EFCAB11: variants seen among roughly 807,000 people sequenced by gnomAD.
EFCAB11 encodes the protein EF-hand calcium binding domain 11, also known as EF-hand calcium-binding domain-containing protein 11.
Under a neutral mutation model 23.0 loss-of-function variants are expected in EFCAB11, and 14 were observed. The observed-to-expected ratio is 0.61, with a 90% confidence interval of 0.40 to 0.95. The LOEUF (loss-of-function observed/expected upper bound fraction) is 0.95, where lower values mean the gene tolerates loss of function less well. Among genes scored for constraint, EFCAB11 ranks in the 40% least tolerant of loss-of-function variants. The pLI is 0.00. For synonymous variants in EFCAB11, 65 were observed against 66.6 expected (o/e 0.98, Z 0.11); for missense variants, 198 against 195.8 (o/e 1.01, Z -0.07).
chr14:89,900,565 G>A (rs1490756261), intron 5 of EFCAB11, among the ~76,000 whole-genome samples: 5 of 152,222 alleles, frequency 3.3e-5, no homozygotes. Flanking sequence ...TCACATTCAG[G>A]CTTTGTCAGC....
intron 5 of EFCAB11, among the ~76,000 whole-genome samples, chr14:89,819,455 TGTC>T (rs1184052497): frequency 1.6e-5 from 2 of 126,410 alleles, no homozygotes; most frequent in African/African-American, 8.1e-5. Flanking sequence ...GGTCTCACTT[TGTC>T]ACCTAGGCTG....
chr14:89,797,500 GA>G (rs1406570555), intron 5 of EFCAB11, among the ~76,000 whole-genome samples, 176 bp from the exon 6 acceptor site: 1 of 151,766 alleles, frequency 6.6e-6, no homozygotes, highest in Non-Finnish European at 1.5e-5. Context: ...TTGCAGGAAA[GA>G]AAGGGTATTT....
At chr14:89,899,123 TAG>T (rs1367854793) in intron 5 of EFCAB11, among the ~76,000 whole-genome samples, 5 of 152,320 alleles carry the variant, frequency 3.3e-5, no homozygotes, top group East Asian at 1.9e-4. Flanking sequence ...GTGTTACACG[TAG>T]AGAGTTGCCA....
chr14:89,947,917 TA>T (rs895223092), intron 3 of EFCAB11, among the ~76,000 whole-genome samples: 6 of 152,144 alleles, frequency 3.9e-5, no homozygotes, highest in African/African-American at 1.2e-4. Context: ...TTTGACATAG[TA>T]AACTAACACT....
In EFCAB11 at chr14:89,891,697, ACACACGCACGCG is replaced by A. The variant is rs1257997399; in HGVS notation, c.410+39832_410+39843del. On this transcript the variant is annotated intron_variant, in intron 5 of 5. Transcript: ENST00000316738. Reference sequence around the variant, plus strand: ...CCATTTTAGACACAAACACACACACACACACGCACGCGCACACGCACACACCACCCTAAGTAA... The same window carrying A: ...CCATTTTAGACACAAACACACACACACACACGCACACACCACCCTAAGTAA... Among the ~76,000 whole-genome samples the A allele has an allele frequency of 1.1e-4, 16 of 152,172 alleles. 1 individual carries two copies. The highest frequency in any genetic ancestry group is 7.9e-4 in the Admixed American group (12 of 15,278).
chr14:89,932,233 T>C (rs533266433), intron 4 of EFCAB11, among the ~76,000 whole-genome samples: 2 of 152,256 alleles, frequency 1.3e-5, no homozygotes, highest in African/African-American at 4.8e-5. Flanking sequence ...CACACCTCCA[T>C]AGGTGGCTCA....
intron 5 of EFCAB11, among the ~76,000 whole-genome samples, chr14:89,927,784 C>T (rs1013653651): frequency 3.3e-5 from 5 of 151,854 alleles, no homozygotes; most frequent in Non-Finnish European, 4.4e-5. Context: ...TGCAGTGGCA[C>T]GATCTCGGCT....
intron 5 of EFCAB11, among the ~76,000 whole-genome samples, chr14:89,877,101 G>A (rs1045463734): frequency 2.0e-5 from 3 of 151,780 alleles, no homozygotes; most frequent in Admixed American, 6.6e-5. Flanking sequence ...GTGCAGTGGT[G>A]TGATCTCAGC....
At chr14:89,877,046 T>A (rs72695708) in intron 5 of EFCAB11, among the ~76,000 whole-genome samples, 4 of 127,886 alleles carry the variant, frequency 3.1e-5, no homozygotes, top group South Asian at 6.6e-4. Flanking sequence ...GACCAAAAGT[T>A]TTTTTTTTTT....
intron 5 of EFCAB11, among the ~76,000 whole-genome samples, chr14:89,864,093 A>AT (rs1309627658): frequency 6.6e-6 from 1 of 152,222 alleles, no homozygotes; most frequent in East Asian, 1.9e-4. Flanking sequence ...ATAATGCATA[A>AT]TGGTCCTAAA....
chr14:89,826,952 G>C (rs939334074), intron 5 of EFCAB11, among the ~76,000 whole-genome samples: 2 of 152,106 alleles, frequency 1.3e-5, no homozygotes, highest in African/African-American at 4.8e-5. Flanking sequence ...TTGGGCCAAA[G>C]ACACAATCAA....
intron 5 of EFCAB11, among the ~76,000 whole-genome samples, chr14:89,875,297 T>C (rs1888400935): frequency 6.6e-6 from 1 of 152,198 alleles, no homozygotes; most frequent in African/African-American, 2.4e-5. Flanking sequence ...AGAACAGCAC[T>C]GGAAAAACCC....
At chr14:89,935,737 G>A (rs896972197) in intron 3 of EFCAB11, among the ~76,000 whole-genome samples, 6 of 152,140 alleles carry the variant, frequency 3.9e-5, no homozygotes, top group East Asian at 1.9e-4. Context: ...AGCCAGGTGC[G>A]GTAGCTCACG....
intron 5 of EFCAB11, among the ~76,000 whole-genome samples, chr14:89,895,239 A>C (rs1319902289): frequency 6.6e-6 from 1 of 152,254 alleles, no homozygotes; most frequent in Non-Finnish European, 1.5e-5. Context: ...TATCCAATGA[A>C]AAATATATTT....
intron 5 of EFCAB11, among the ~76,000 whole-genome samples, chr14:89,864,796 C>T (rs1421084523): frequency 1.4e-4 from 21 of 152,132 alleles, no homozygotes; most frequent in African/African-American, 2.4e-4. Context: ...TATCCCTATG[C>T]GTCAGTGTTG....
At chr14:89,910,289 G>A (rs746929583) in intron 5 of EFCAB11, among the ~76,000 whole-genome samples, 3 of 152,170 alleles carry the variant, frequency 2.0e-5, no homozygotes, top group Admixed American at 1.3e-4. Flanking sequence ...ACAATCAGGG[G>A]TCTTGAGAGG....
chr14:89,860,830 T>C (rs1887898867), intron 5 of EFCAB11, among the ~76,000 whole-genome samples: 1 of 152,232 alleles, frequency 6.6e-6, no homozygotes, highest in Non-Finnish European at 1.5e-5. Flanking sequence ...TTTTGTAACA[T>C]AATGCTAGTC....
chr14:89,929,595 A>C (rs963565205), intron 5 of EFCAB11, among the ~76,000 whole-genome samples: 4 of 152,128 alleles, frequency 2.6e-5, no homozygotes, highest in African/African-American at 9.7e-5. Context: ...CATGTTGGCC[A>C]GGCTGGTCTC....
chr14:89,846,845 C>A (rs1383057449), intron 5 of EFCAB11, among the ~76,000 whole-genome samples: 1 of 152,188 alleles, frequency 6.6e-6, no homozygotes, highest in Non-Finnish European at 1.5e-5. Flanking sequence ...TCACACCCAA[C>A]CTAAAAAGCC....
Sources: gnomAD v4.1 joint callset for allele counts (sites outside exome capture counted in the v4.1 genomes callset) on GRCh38, gnomAD v4.1.1 for gene constraint, MANE v1.5 for transcripts, NCBI Gene and HGNC (gene_info 2026-07-23, HGNC 2026-07-21) for gene names.